ATP8A1: variants seen among roughly 807,000 people sequenced by gnomAD.
The protein encoded by ATP8A1 is phospholipid-transporting ATPase IA.
ATP8A1 carries 90 observed loss-of-function variants against 177.7 expected under a neutral mutation model. That is an observed-to-expected ratio of 0.51 (90% CI 0.43 to 0.60). The LOEUF (loss-of-function observed/expected upper bound fraction) is 0.60, where lower values mean the gene tolerates loss of function less well. ATP8A1 is among the 20% of genes least tolerant of loss of function. The pLI, the probability that ATP8A1 is intolerant of heterozygous loss-of-function variation, is 0.00. For synonymous variants in ATP8A1, 493 were observed against 485.9 expected (o/e 1.01, Z -0.19); for missense variants, 1,072 against 1,392.8 (o/e 0.77, Z 3.67).
intron 19 of ATP8A1, among the ~76,000 whole-genome samples, chr4:42,548,553 A>G (rs2153209400): frequency 6.6e-6 from 1 of 152,314 alleles, no homozygotes; most frequent in East Asian, 1.9e-4. Flanking sequence ...GTCTGGGAAC[A>G]TTTTAAGTCC....
At chr4:42,592,493 T>G (rs1734283827) in intron 6 of ATP8A1, among the ~76,000 whole-genome samples, 1 of 152,162 alleles carries the variant, frequency 6.6e-6, no homozygotes, top group South Asian at 2.1e-4. Context: ...AAATAAAAAT[T>G]GTATTTAACG....
At chr4:42,637,360 A>G (rs185473697) in intron 1 of ATP8A1, among the ~76,000 whole-genome samples, 2 of 152,316 alleles carry the variant, frequency 1.3e-5, no homozygotes, top group African/African-American at 4.8e-5. Context: ...AACTTGCACA[A>G]TAGCCAAACG....
chr4:42,475,712 G>C (rs1044355418), intron 25 of ATP8A1, among the ~76,000 whole-genome samples: 2 of 152,074 alleles, frequency 1.3e-5, no homozygotes, highest in Admixed American at 1.3e-4. Flanking sequence ...ATAACTCTAT[G>C]AGAAGAACAA....
At chr4:42,542,204 G>A (rs10004209) in intron 20 of ATP8A1, among the ~76,000 whole-genome samples, 1,735 of 152,108 alleles carry the variant, frequency 0.011, 33 homozygotes, top group African/African-American at 0.039. Context: ...AAGTCTATAT[G>A]AAATATATTA....
intron 15 of ATP8A1, among the ~76,000 whole-genome samples, chr4:42,563,477 TGAG>T (rs1250851323): frequency 1.3e-5 from 2 of 152,206 alleles, no homozygotes; most frequent in African/African-American, 4.8e-5. Context: ...ACCTATTTTC[TGAG>T]GAGAATTTGA....
At chr4:42,480,293 T>G (rs756645242) in intron 25 of ATP8A1, among the ~76,000 whole-genome samples, 20 of 152,194 alleles carry the variant, frequency 1.3e-4, no homozygotes, top group Non-Finnish European at 2.6e-4. Context: ...AGATGATTAT[T>G]ATGTTAAAGC....
chr4:42,555,185 T>C (rs559662754), intron 16 of ATP8A1, among the ~76,000 whole-genome samples: 8 of 134,562 alleles, frequency 5.9e-5, no homozygotes, highest in Non-Finnish European at 9.6e-5. Context: ...TATCTATCTA[T>C]CTATCTATCT....
chr4:42,455,953 G>A (rs1361934876), intron 27 of ATP8A1, among the ~76,000 whole-genome samples: 2 of 152,080 alleles, frequency 1.3e-5, no homozygotes, highest in African/African-American at 4.8e-5. Context: ...AAAATATCAG[G>A]ATTGTAGTTA....
chr4:42,471,840 C>T (rs371220923), intron 25 of ATP8A1: 15 of 569,700 alleles, frequency 2.6e-5, no homozygotes, highest in Non-Finnish European at 4.4e-5. Context: ...GACTGTGAAG[C>T]CCAACAGCGA....
intron 15 of ATP8A1, among the ~76,000 whole-genome samples, chr4:42,566,078 C>T (rs769915719): frequency 1.3e-5 from 2 of 152,032 alleles, no homozygotes; most frequent in Non-Finnish European, 2.9e-5. Context: ...TACACCTAAG[C>T]GAGTAGAGCT....
In ATP8A1 at chr4:42,465,070, A is replaced by T. The variant is rs1262711781; in HGVS notation, c.2331T>A (p.Ser777=). ...SCKAVICCRV[S]PLQKSEVVEM... is the part of the protein sequence containing the mutation. ...CAACAACTTCAGATTTTTGAAGAGG[A>T]GAAACCCTGAAATTGAAACACATTA... Residue 777 remains serine, a synonymous_variant, in exon 26 of 37, where the codon TCT becomes TCA. Transcript: ENST00000381668. 6.2e-7 allele frequency: 1 copy of T among 1,609,652 alleles called. No individual in the cohort carries two copies. The highest frequency in any genetic ancestry group is 8.5e-7 in the Non-Finnish European group (1 of 1,177,154).
In ATP8A1 at chr4:42,467,583, C is replaced by T. The variant is rs1719923147; in HGVS notation, c.2325-2507G>A. On this transcript the variant is annotated intron_variant, in intron 25 of 36. Coordinates refer to ENST00000381668, the MANE Select transcript of ATP8A1 (RefSeq NM_006095.2). ...GGGCGCGTGCCTGTAGTCCCAGCTA[C>T]TCGGGAAGCTGAGTCAGGAGAATCG... is the stretch of plus-strand genomic sequence containing the variant. Among the ~76,000 whole-genome samples the T allele has an allele frequency of 2.0e-5, 3 of 152,296 alleles. No individual in the cohort carries two copies. The South Asian group carries it at 6.2e-4, about 32-fold the overall frequency.
chr4:42,447,857 G>T (rs7684005), intron 30 of ATP8A1, among the ~76,000 whole-genome samples: 52,742 of 151,910 alleles, frequency 0.35, 9,382 homozygotes, highest in Middle Eastern at 0.49. Flanking sequence ...ACCTGAGGGG[G>T]TTTTGAAGTG....
At chr4:42,422,479 C>T (rs558336947) in intron 35 of ATP8A1, among the ~76,000 whole-genome samples, 34 of 152,202 alleles carry the variant, frequency 2.2e-4, no homozygotes, top group Admixed American at 1.3e-3. Context: ...TTTGTAACTG[C>T]CATTTATTTA....
At chr4:42,449,450 G>A (rs1031860028) in intron 30 of ATP8A1, among the ~76,000 whole-genome samples, 7 of 152,266 alleles carry the variant, frequency 4.6e-5, no homozygotes, top group African/African-American at 1.7e-4. Context: ...GGTATTCCCA[G>A]GGTCTACAGA....
intron 11 of ATP8A1, 120 bp from the exon 12 acceptor site, chr4:42,578,507 A>G (rs1732701431): frequency 9.2e-7 from 1 of 1,092,174 alleles, no homozygotes; most frequent in Non-Finnish European, 1.3e-6. Context: ...TGGGAGGAAC[A>G]CTTTGCTGAT....
intron 15 of ATP8A1, among the ~76,000 whole-genome samples, chr4:42,563,579 G>A (rs1328305477): frequency 6.6e-6 from 1 of 152,212 alleles, no homozygotes; most frequent in Non-Finnish European, 1.5e-5. Flanking sequence ...CATGTCAGAG[G>A]TCTTCATGGC....
intron 29 of ATP8A1, among the ~76,000 whole-genome samples, chr4:42,453,581 C>T (rs146229964): frequency 6.6e-6 from 1 of 152,192 alleles, no homozygotes; most frequent in East Asian, 1.9e-4. Flanking sequence ...ACCCGCTATA[C>T]CCTTTTCCTG....
At chr4:42,651,933 T>C (rs866103736) in intron 1 of ATP8A1, among the ~76,000 whole-genome samples, 2 of 152,234 alleles carry the variant, frequency 1.3e-5, no homozygotes, top group African/African-American at 4.8e-5. Context: ...AAATGCTAAG[T>C]TCAAACACCC....
Sources: gnomAD v4.1 joint callset for allele counts (sites outside exome capture counted in the v4.1 genomes callset) on GRCh38, gnomAD v4.1.1 for gene constraint, MANE v1.5 for transcripts, NCBI Gene and HGNC (gene_info 2026-07-23, HGNC 2026-07-21) for gene names.